KANSL3: variants seen among roughly 807,000 people sequenced by gnomAD.
KANSL3 encodes the protein KAT8 regulatory NSL complex subunit 3.
A neutral mutation model predicts 89.2 loss-of-function variants in KANSL3; 16 were observed. That is an observed-to-expected ratio of 0.18 (90% CI 0.12 to 0.27). KANSL3 has a LOEUF of 0.27. KANSL3 is among the 10% of genes least tolerant of loss of function. The probability of loss-of-function intolerance (pLI) is 1.00; values close to 1 mark genes in which losing one functional copy is unlikely to be tolerated. For missense variants in KANSL3, 879 were observed against 1,110.6 expected, an observed-to-expected ratio of 0.79 and a Z score of 2.96; for synonymous variants, 385 against 419.7, an observed-to-expected ratio of 0.92 and a Z score of 1.01.
rs1378157504 is a variant in KANSL3, at chr2:96,631,368, G to A, written c.330C>T (p.Ala110=). Residue 110 remains alanine, a synonymous_variant, in exon 3 of 21, where the codon GCC becomes GCT. Transcript: ENST00000431828. The stretch of plus-strand genomic sequence containing the variant: ...GAGGAGGGGCATCTGCATCAGTCCT[G>A]GCAAAGATGACATGCCGTTCACACT... ...MNECERHVIF[A]RTDADAPPPP... 5 of 1,612,668 alleles carry A rather than the reference G, an allele frequency of 3.1e-6. No homozygotes were observed. The highest frequency in any genetic ancestry group is 3.4e-6 in the Non-Finnish European group (4 of 1,179,438).
intron 2 of KANSL3, among the ~76,000 whole-genome samples, chr2:96,636,456 G>A (rs1292821447): frequency 3.3e-5 from 5 of 152,200 alleles, no homozygotes; most frequent in African/African-American, 7.2e-5. Context: ...AAAAAGCAAC[G>A]TCTTGGGAAT....
chr2:96,586,001 C>A, the KANSL3 span, among the ~76,000 whole-genome samples: 4 of 151,802 alleles, frequency 2.6e-5, no homozygotes, highest in East Asian at 7.7e-4. Context: ...CTGAGGCGGG[C>A]GGATCACTTG....
chr2:96,621,228 A>G (rs1002286516), intron 3 of KANSL3, among the ~76,000 whole-genome samples: 2 of 152,110 alleles, frequency 1.3e-5, no homozygotes. Flanking sequence ...ATGTAACTAC[A>G]TAAAAATTTC....
chr2:96,611,124 C>G lies in KANSL3; in HGVS notation c.1101G>C (p.Glu367Asp), dbSNP rs768699512. The change falls in exon 10 of 21, where the codon GAG becomes GAC. Residue 367 changes from glutamate to aspartate, a missense_variant. Transcript: ENST00000431828. ...ALVACHVSVM[E>D]YVTAVVCLGF... The stretch of plus-strand genomic sequence containing the variant: ...CAAGGCAGACAACTGCAGTGACATA[C>G]TCCATTACTGACACCTGTAAATAAC... The G allele has an allele frequency of 6.2e-6, 10 of 1,613,792 alleles. No individual in the cohort carries two copies. The highest frequency in any genetic ancestry group is 1.7e-5 in the Admixed American group (1 of 60,014).
At chr2:96,595,927 C>G (rs562111264) in intron 20 of KANSL3, among the ~76,000 whole-genome samples, 30 of 152,136 alleles carry the variant, frequency 2.0e-4, no homozygotes, top group Middle Eastern at 3.4e-3. Context: ...CCAGGGTCAC[C>G]GTAAGGATTA....
At chr2:96,603,851 A>G (rs765602407) in intron 17 of KANSL3, 42 of 156,730 alleles carry the variant, frequency 2.7e-4, no homozygotes, top group Admixed American at 1.0e-3. Context: ...CTGTGGATAT[A>G]GAATTCCAAC....
intron 2 of KANSL3, among the ~76,000 whole-genome samples, chr2:96,632,870 G>A (rs2073642892): frequency 6.6e-6 from 1 of 150,774 alleles, no homozygotes; most frequent in East Asian, 2.0e-4. Flanking sequence ...GGACACTGAG[G>A]AAGGAGAACG....
rs530404212 is a variant in KANSL3 at position 96,636,159 on chromosome 2, AAAAC to A, written c.215+758_215+761del. On this transcript the variant is annotated intron_variant, in intron 2 of 20. Coordinates refer to ENST00000431828, the MANE Select transcript of KANSL3 (RefSeq NM_001115016.3). Reference sequence around the variant, plus strand: ...AAAGATTAAACATTAGGTCAGATTAAAAACAAACAGACAAAACTCTTCTCCAAAA... The same window carrying A: ...AAAGATTAAACATTAGGTCAGATTAAAAACAGACAAAACTCTTCTCCAAAA... 3.5e-3 allele frequency among the ~76,000 whole-genome samples: 531 copies of A among 152,326 alleles called. 1 individual carries two copies. The highest frequency in any genetic ancestry group is 0.012 in the African/African-American group (491 of 41,580).
At position 96,605,390 on chromosome 2, in the gene KANSL3, C is replaced by T. The variant is rs1003609145; in HGVS notation, c.1863G>A (p.Lys621=). ...TGTCCCCTTGGGAGATAAGGGACACCTTGATCTTCGGTCGTTTGGAGGTCT... is the reference window on the plus strand; with the variant it reads ...TGTCCCCTTGGGAGATAAGGGACACTTTGATCTTCGGTCGTTTGGAGGTCT... ...GSKTSKRPKI[K]VSLISQGDTA... is the part of the protein sequence containing the mutation. The change falls in exon 15 of 21, where the codon AAG becomes AAA. Residue 621 remains lysine (K), a synonymous_variant. Transcript: ENST00000431828. 6.2e-7 allele frequency: 1 copy of T among 1,613,782 alleles called. No homozygotes were observed. Among genetic ancestry groups the T allele is most frequent in the Non-Finnish European group, 8.5e-7 (1 of 1,179,882 alleles).
At chr2:96,623,275 C>A (rs1458680325) in intron 3 of KANSL3, among the ~76,000 whole-genome samples, 1 of 152,202 alleles carries the variant, frequency 6.6e-6, no homozygotes, top group Non-Finnish European at 1.5e-5. Flanking sequence ...CAAAGAGGAA[C>A]ACAGGCACAT....
At chr2:96,619,819 G>A in intron 3 of KANSL3, 57 bp from the exon 4 acceptor site, 2 of 1,273,182 alleles carry the variant, frequency 1.6e-6, no homozygotes, top group Non-Finnish European at 2.2e-6. Context: ...CCCCATGTAT[G>A]TACACCATAT....
In KANSL3 at chr2:96,601,741, G is replaced by A. The variant is rs573222164; in HGVS notation, c.2518C>T (p.Arg840Cys). 16 of 1,593,374 alleles carry A rather than the reference G, an allele frequency of 1.0e-5. No individual in the cohort carries two copies. Among genetic ancestry groups the A allele is most frequent in the African/African-American group, 5.4e-5 (4 of 73,922 alleles). The stretch of plus-strand genomic sequence containing the variant: ...GTAGTGATCCTGCTCGGCTGGCCAC[G>A]AAGTGTCAGAGTAATGGTGGTGGGG... Reference protein sequence around the residue: ...KVPTTITLTLRGQPSRITTLS... With the variant: ...KVPTTITLTLCGQPSRITTLS... The change falls in exon 20 of 21, where the codon CGT becomes TGT. Residue 840 changes from arginine to cysteine, a missense_variant. Around this residue, in one of 6 missense-constraint regions of KANSL3, gnomAD observed 61 missense variants for 61.7 expected, o/e 0.99. Transcript: ENST00000431828.
intron 5 of KANSL3, among the ~76,000 whole-genome samples, chr2:96,616,413 G>A (rs1168212531): frequency 6.6e-6 from 1 of 152,112 alleles, no homozygotes; most frequent in Non-Finnish European, 1.5e-5. Context: ...AGCTTCCCTG[G>A]CCCTTCCAGC....
chr2:96,598,232 T>C (rs2066731676), intron 20 of KANSL3: 1 of 629,478 alleles, frequency 1.6e-6, no homozygotes, highest in Admixed American at 6.3e-5. Context: ...TTCTGTACTA[T>C]AAAACTGTTT....
rs1252919872 is a variant in KANSL3 at position 96,612,519 on chromosome 2, T to C, written c.957A>G (p.Val319=). ...TATGCTCGAGACACTGTAGAACTCCTACCCCACTGCCATTGTTCAGCAGAT... is the reference window on the plus strand; with the variant it reads ...TATGCTCGAGACACTGTAGAACTCCCACCCCACTGCCATTGTTCAGCAGAT... ...ATHLLNNGSG[V]GVLQCLEHMI... The change falls in exon 8 of 21, where the codon GTA becomes GTG. Residue 319 remains valine, a synonymous_variant. Coordinates refer to ENST00000431828, the MANE Select transcript of KANSL3 (RefSeq NM_001115016.3). The C allele has an allele frequency of 1.2e-6, 2 of 1,613,886 alleles. No homozygotes were observed. The highest frequency in any genetic ancestry group is 1.7e-6 in the Non-Finnish European group (2 of 1,179,890).
chr2:96,586,803 ACTT>A, the KANSL3 span, among the ~76,000 whole-genome samples: 2 of 152,018 alleles, frequency 1.3e-5, no homozygotes, highest in African/African-American at 2.4e-5. Context: ...TGTCCTCTAT[ACTT>A]CTTGGCTCTT....
chr2:96,630,754 A>G (rs2073235871), intron 3 of KANSL3, among the ~76,000 whole-genome samples: 1 of 152,194 alleles, frequency 6.6e-6, no homozygotes, highest in Admixed American at 6.5e-5. Context: ...CCAGGAGAGG[A>G]GTGCTGAGTC....
At chr2:96,604,204 C>T (rs1407564297) in intron 17 of KANSL3, 46 bp downstream of exon 17, 3 of 1,547,832 alleles carry the variant, frequency 1.9e-6, no homozygotes, top group Middle Eastern at 1.7e-4. Flanking sequence ...AAGCAGCAGA[C>T]CAAAAATTCT....
At chr2:96,605,750 T>C in intron 14 of KANSL3, 1 of 325,020 alleles carries the variant, frequency 3.1e-6, no homozygotes, top group South Asian at 6.3e-5. Flanking sequence ...TCATCCCTCA[T>C]CCTGCACTGG....
Sources: gnomAD v4.1 joint callset for allele counts (sites outside exome capture counted in the v4.1 genomes callset) on GRCh38, gnomAD v4.1.1 for gene constraint, gnomAD v4.1.1 regional missense constraint, MANE v1.5 for transcripts, NCBI Gene and HGNC (gene_info 2026-07-23, HGNC 2026-07-21) for gene names.